Variants in STRIP2 observed in about 807,000 individuals in gnomAD.
The protein encoded by STRIP2 is striatin-interacting protein 2.
A neutral mutation model predicts 107.1 loss-of-function variants in STRIP2; 84 were observed. That is an observed-to-expected ratio of 0.78 (90% confidence interval 0.66 to 0.94). STRIP2 has a LOEUF of 0.94. Ranked by LOEUF, STRIP2 falls within the 40% of genes least tolerant of loss-of-function variation. The pLI, the probability that STRIP2 is intolerant of heterozygous loss-of-function variation, is 0.00. For missense variants in STRIP2, 888 were observed against 1,034.2 expected (o/e 0.86, Z 1.94); for synonymous variants, 394 against 400.4 (o/e 0.98, Z 0.19).
rs1491462474 is a variant in STRIP2 at position 129,472,775 on chromosome 7, C to CTTTTTTTTTTTTTTTTTT, written c.1944+2060_1944+2061insTTTTTTTTTTTTTTTTTT. Among the ~76,000 whole-genome samples the CTTTTTTTTTTTTTTTTTT allele has an allele frequency of 3.9e-4, 27 of 68,890 alleles. 12 individuals are homozygous for CTTTTTTTTTTTTTTTTTT. The highest frequency in any genetic ancestry group is 4.4e-4 in the East Asian group (1 of 2,274). The allele number at this position is 68,890 out of a possible 152,430, so 45.2% of individuals were successfully genotyped here. On this transcript the variant is annotated intron_variant, in intron 18 of 20. Coordinates refer to ENST00000249344, the MANE Select transcript of STRIP2 (RefSeq NM_020704.3). The stretch of plus-strand genomic sequence containing the variant: ...AATATATAGAATTTTCTTTTCTTTT[C>CTTTTTTTTTTTTTTTTTT]CTTTTTTTTTTTTTTTTTTTTTTTT...
Position 129,464,100 on chromosome 7 carries a change from C to T in STRIP2, c.1608C>T (p.Asp536=). The T allele has an allele frequency of 6.2e-7, 1 of 1,613,350 alleles. No homozygotes were observed. Among genetic ancestry groups the T allele is most frequent in the Non-Finnish European group, 8.5e-7 (1 of 1,179,994 alleles). The change falls in exon 15 of 21, where the codon GAC becomes GAT. Residue 536 remains aspartate (D), a synonymous_variant. Coordinates refer to ENST00000249344, the MANE Select transcript of STRIP2 (RefSeq NM_020704.3). ...CTCCCACCTCTAAGGCTAAGACAGA[C>T]TCTATCAATATCCTGGCAGATGTCC... is the stretch of plus-strand genomic sequence containing the variant. ...AAAPTSKAKT[D]SINILADVLP... is the part of the protein sequence containing the mutation.
intron 18 of STRIP2, among the ~76,000 whole-genome samples, chr7:129,479,038 G>T (rs1291850549): frequency 6.6e-6 from 1 of 152,160 alleles, no homozygotes. Context: ...ACTTTGGGAG[G>T]CTGAGGGAGG....
In STRIP2 at chr7:129,482,914, T is replaced by C. The variant is rs777688189; in HGVS notation, c.2122T>C (p.Tyr708His). 6.2e-7 allele frequency: 1 copy of C among 1,614,172 alleles called. No homozygotes were observed. The highest frequency in any genetic ancestry group is 1.6e-4 in the Middle Eastern group (1 of 6,062). Residue 708 changes from tyrosine to histidine, a missense_variant, in exon 20 of 21, where the codon TAT (tyrosine) becomes CAT (histidine). Tyr to His is a moderately conservative substitution (Grantham distance 83). Coordinates refer to ENST00000249344, the MANE Select transcript of STRIP2 (RefSeq NM_020704.3). ...GGTCAAACAGGCCATGCTGCAACTT[T>C]ATGTCCTAAAGCTACTAAAGTTACA... ...LKVKQAMLQL[Y>H]VLKLLKLQTK...
intron 2 of STRIP2, among the ~76,000 whole-genome samples, chr7:129,442,512 T>G (rs888354999): frequency 2.0e-5 from 3 of 152,202 alleles, no homozygotes; most frequent in Non-Finnish European, 4.4e-5. Flanking sequence ...GGGTAGAAGA[T>G]AATACACAGG....
rs148218625 is a variant in STRIP2, at chr7:129,461,351, A to T, written c.1476+979A>T. Among the ~76,000 whole-genome samples, 3 of 152,322 alleles carry T rather than the reference A, an allele frequency of 2.0e-5. No individual in the cohort carries two copies. The highest frequency in any genetic ancestry group is 4.4e-5 in the Non-Finnish European group (3 of 68,036). On this transcript the variant is annotated intron_variant, in intron 13 of 20. Transcript: ENST00000249344. The surrounding 1 kb of genome is among the most constrained non-coding windows in gnomAD (Gnocchi z 4.0). ...AATAAATTCGGGAGTTGTTTGTAAC[A>T]CTTATAGGCAGTGTTAAAGGCCGTA... is the stretch of plus-strand genomic sequence containing the variant.
chr7:129,441,416 T>C (rs1488621866), intron 2 of STRIP2, among the ~76,000 whole-genome samples: 1 of 152,208 alleles, frequency 6.6e-6, no homozygotes, highest in Non-Finnish European at 1.5e-5. Flanking sequence ...TGTACAAAGA[T>C]GTTTATTGCA....
At chr7:129,474,264 C>T (rs1433693028) in intron 18 of STRIP2, among the ~76,000 whole-genome samples, 3 of 151,844 alleles carry the variant, frequency 2.0e-5, no homozygotes, top group South Asian at 2.1e-4. Flanking sequence ...CCTCAGCCAC[C>T]CAAGTAGCTA....
At chr7:129,448,514 G>A (rs1798096901) in intron 3 of STRIP2, among the ~76,000 whole-genome samples, 1 of 152,174 alleles carries the variant, frequency 6.6e-6, no homozygotes, top group Admixed American at 6.5e-5. Context: ...GAGAGGCCAT[G>A]ATTCTCTGTT....
chr7:129,462,138 G>A lies in STRIP2; in HGVS notation c.1477-828G>A, dbSNP rs1798554965. On this transcript the variant is annotated intron_variant, in intron 13 of 20. Coordinates refer to ENST00000249344, the MANE Select transcript of STRIP2 (RefSeq NM_020704.3). ...ATGGTGGGCAAAGGAGTTGGTTTGA[G>A]GAGAGAGAAGATGGTATGAAATCAG... 2.0e-5 allele frequency among the ~76,000 whole-genome samples: 3 copies of A among 152,292 alleles called. No homozygotes were observed. The South Asian group carries it at 6.2e-4, about 32-fold the overall frequency.
intron 17 of STRIP2, among the ~76,000 whole-genome samples, chr7:129,470,148 G>T (rs1345844507): frequency 6.6e-6 from 1 of 152,142 alleles, no homozygotes; most frequent in East Asian, 1.9e-4. Flanking sequence ...AACTGCCCCT[G>T]TCTCAAGCTT....
Position 129,488,384 on chromosome 7 carries a change from G to T in STRIP2, c.*2555G>T, listed in dbSNP as rs902648018. 2 of 152,570 alleles carry T rather than the reference G, an allele frequency of 1.3e-5. No homozygotes were observed. The highest frequency in any genetic ancestry group is 2.9e-5 in the Non-Finnish European group (2 of 68,018). The allele number at this position is 152,570 out of a possible 1,614,324, so 9.5% of individuals were successfully genotyped here. The stretch of plus-strand genomic sequence containing the variant: ...TGAAGCACTTTAATAAAAATAAAAT[G>T]AGCTGGAATTAGAAATTTGGTGTTT... On this transcript the variant is annotated 3_prime_UTR_variant, in exon 21 of 21. Coordinates refer to ENST00000249344, the MANE Select transcript of STRIP2 (RefSeq NM_020704.3).
chr7:129,454,000 A>C, intron 5 of STRIP2, 142 bp from the exon 6 acceptor site: 1 of 689,284 alleles, frequency 1.5e-6, no homozygotes, highest in Non-Finnish European at 2.4e-6. Context: ...GAATTCTGTC[A>C]GCTCCTTTAC....
intron 9 of STRIP2, chr7:129,457,999 CCCTGG>C (rs1798411615): frequency 1.7e-6 from 1 of 595,458 alleles, no homozygotes; most frequent in African/African-American, 1.8e-5. Context: ...ATGCTATGTT[CCCTGG>C]CTAATGGCAG....
chr7:129,453,499 A>G, intron 5 of STRIP2, 152 bp downstream of exon 5: 1 of 976,470 alleles, frequency 1.0e-6, no homozygotes, highest in South Asian at 1.8e-5. Flanking sequence ...GTTCCCCTCC[A>G]TCCAGCCATG....
rs762277087 is a variant in STRIP2 at position 129,456,472 on chromosome 7, C to T, written c.868C>T (p.Leu290Phe). The T allele has an allele frequency of 6.2e-7, 1 of 1,614,042 alleles. No individual in the cohort carries two copies. Among genetic ancestry groups the T allele is most frequent in the Admixed American group, 1.7e-5 (1 of 60,016 alleles). The change falls in exon 9 of 21, where the codon CTC becomes TTC. Residue 290 changes from leucine (L) to phenylalanine (F), a missense_variant. Physicochemically the swap from Leu to Phe is conservative, Grantham distance 22. Coordinates refer to ENST00000249344, the MANE Select transcript of STRIP2 (RefSeq NM_020704.3). ...CGGTGGATTTGAGCATCTGCAGACT[C>T]TCAAAGTACAGAAGCGGGCAGAATT... ...TLGGFEHLQT[L>F]KVQKRAELGL... is the part of the protein sequence containing the mutation.
At chr7:129,454,318 TA>T (rs1798279331) in intron 6 of STRIP2, 102 bp from the exon 7 acceptor site, 2 of 1,459,452 alleles carry the variant, frequency 1.4e-6, no homozygotes, top group Non-Finnish European at 1.9e-6. Flanking sequence ...GCCCTGTAGC[TA>T]ATCTCACTGG....
At chr7:129,477,244 A>G (rs1798994620) in intron 18 of STRIP2, among the ~76,000 whole-genome samples, 1 of 134,470 alleles carries the variant, frequency 7.4e-6, no homozygotes, top group East Asian at 2.3e-4. Context: ...GGAGAGGGCT[A>G]TTGATATCTT....
chr7:129,453,129 C>A, intron 4 of STRIP2, 98 bp from the exon 5 acceptor site: 1 of 1,527,782 alleles, frequency 6.5e-7, no homozygotes, highest in South Asian at 1.2e-5. Context: ...AATTATTAGG[C>A]AGAGTATTAT....
Position 129,482,789 on chromosome 7 carries a change from TG to T in STRIP2, c.2050-51del, listed in dbSNP as rs1799159774. 6 of 1,600,570 alleles carry T rather than the reference TG, an allele frequency of 3.7e-6. No individual in the cohort carries two copies. In the Admixed American group the frequency reaches 1.0e-4, roughly 27 times the overall value. ...GGTTTGGTTTAATTTGTCTGTAAAC[TG>T]GAAATTCCAAGAAACGTTAGATCTT... is the stretch of plus-strand genomic sequence containing the variant. On this transcript the variant is annotated intron_variant, in intron 19 of 20. Transcript: ENST00000249344.
Sources: allele counts gnomAD v4.1 joint callset (sites outside exome capture counted in the v4.1 genomes callset), GRCh38; gene constraint gnomAD v4.1.1; non-coding constraint Gnocchi (gnomAD v3.1); transcripts MANE v1.5; gene names NCBI Gene and HGNC (gene_info 2026-07-23, HGNC 2026-07-21).